MTHFD1L: variants seen among roughly 807,000 people sequenced by gnomAD.
MTHFD1L encodes the protein monofunctional C1-tetrahydrofolate synthase, mitochondrial.
In MTHFD1L, 81 loss-of-function variants were observed where a neutral mutation model predicts 119.5. The ratio of observed to expected loss-of-function variants is 0.68; its 90% confidence interval spans 0.57 to 0.82. The LOEUF (loss-of-function observed/expected upper bound fraction) is 0.82, where lower values mean the gene tolerates loss of function less well. Among genes scored for constraint, MTHFD1L ranks in the 40% least tolerant of loss-of-function variants. The pLI is 0.00. For missense variants in MTHFD1L, 1,125 were observed against 1,253.4 expected (o/e 0.90, Z 1.55); for synonymous variants, 430 against 475.2 (o/e 0.90, Z 1.24).
At chr6:150,933,799 T>G (rs772364083) in intron 11 of MTHFD1L, among the ~76,000 whole-genome samples, 9 of 152,206 alleles carry the variant, frequency 5.9e-5, no homozygotes, top group Admixed American at 3.3e-4. Context: ...TTTGTGTTTT[T>G]AGAGACAGGG....
intron 24 of MTHFD1L, among the ~76,000 whole-genome samples, chr6:151,024,601 G>A (rs1188154238): frequency 1.3e-5 from 2 of 152,100 alleles, no homozygotes; most frequent in African/African-American, 2.4e-5. Flanking sequence ...GACTGAGGCG[G>A]GCAGATCACT....
intron 13 of MTHFD1L, among the ~76,000 whole-genome samples, chr6:150,940,685 A>G (rs144825886): frequency 4.4e-4 from 67 of 151,984 alleles, no homozygotes; most frequent in Non-Finnish European, 8.5e-4. Context: ...GGTTCAAGTG[A>G]TTCTCCTGCC....
chr6:151,016,834 G>A (rs565542743), intron 24 of MTHFD1L: 6 of 195,504 alleles, frequency 3.1e-5, no homozygotes, highest in South Asian at 7.5e-5. Context: ...GTGCAATGGC[G>A]TGATCTCGGC....
At chr6:150,947,127 T>G (rs1228865861) in intron 15 of MTHFD1L, among the ~76,000 whole-genome samples, 1 of 147,418 alleles carries the variant, frequency 6.8e-6, no homozygotes, top group African/African-American at 2.5e-5. Context: ...TGTGACAGTC[T>G]TGCTCTGTTG....
chr6:151,091,619 G>A (rs954686111), intron 26 of MTHFD1L, among the ~76,000 whole-genome samples: 26 of 152,140 alleles, frequency 1.7e-4, no homozygotes, highest in Middle Eastern at 6.3e-3. Flanking sequence ...GTCCTCATCC[G>A]TAAAGTAAGG....
At chr6:150,937,020 A>G in intron 12 of MTHFD1L, 80 bp downstream of exon 12, 1 of 1,533,496 alleles carries the variant, frequency 6.5e-7, no homozygotes, top group Admixed American at 1.7e-5. Context: ...GTCAACAGAT[A>G]AAGAGTTAAG....
intron 11 of MTHFD1L, among the ~76,000 whole-genome samples, chr6:150,927,416 T>G (rs182151293): frequency 1.3e-5 from 2 of 151,886 alleles, no homozygotes; most frequent in Non-Finnish European, 2.9e-5. Flanking sequence ...TCACCATTTT[T>G]CATGACAACA....
chr6:150,973,805 GT>G (rs899468344), intron 20 of MTHFD1L, among the ~76,000 whole-genome samples: 3 of 152,226 alleles, frequency 2.0e-5, no homozygotes, highest in Non-Finnish European at 4.4e-5. Flanking sequence ...CAGATGAGGA[GT>G]TGGATGTGGA....
intron 26 of MTHFD1L, among the ~76,000 whole-genome samples, chr6:151,065,360 T>C (rs1262330468): frequency 6.6e-6 from 1 of 152,140 alleles, no homozygotes; most frequent in African/African-American, 2.4e-5. Context: ...CTCTTCCTCT[T>C]CTCCAGACAA....
At chr6:150,973,621 C>T (rs1776100787) in intron 20 of MTHFD1L, among the ~76,000 whole-genome samples, 1 of 152,200 alleles carries the variant, frequency 6.6e-6, no homozygotes, top group African/African-American at 2.4e-5. Context: ...CCAGTTCTTA[C>T]TTTGTCAAAC....
chr6:150,956,365 ATTT>A (rs1157991955), intron 17 of MTHFD1L, among the ~76,000 whole-genome samples: 1 of 152,140 alleles, frequency 6.6e-6, no homozygotes, highest in Non-Finnish European at 1.5e-5. Flanking sequence ...ATTCTCACTT[ATTT>A]TATTGGGAAC....
At chr6:150,937,033 T>G in intron 12 of MTHFD1L, 93 bp downstream of exon 12, 1 of 1,451,320 alleles carries the variant, frequency 6.9e-7, no homozygotes, top group Non-Finnish European at 9.4e-7. Context: ...GAGTTAAGAC[T>G]TTTCAGGGGA....
intron 27 of MTHFD1L, among the ~76,000 whole-genome samples, chr6:151,098,051 G>A (rs1795038388): frequency 1.3e-5 from 2 of 152,128 alleles, no homozygotes; most frequent in Non-Finnish European, 1.5e-5. Flanking sequence ...GCACGCACCT[G>A]TAATCTCAGC....
At chr6:150,868,122 T>G (rs923079727) in intron 1 of MTHFD1L, among the ~76,000 whole-genome samples, 1 of 152,066 alleles carries the variant, frequency 6.6e-6, no homozygotes, top group African/African-American at 2.4e-5. Context: ...CTTTTAGGTT[T>G]AAAGCCATGA....
chr6:150,993,089 A>G (rs971526255), intron 20 of MTHFD1L, among the ~76,000 whole-genome samples: 1 of 152,152 alleles, frequency 6.6e-6, no homozygotes, highest in Non-Finnish European at 1.5e-5. Flanking sequence ...TTCTCTCTCC[A>G]TATTGTTTAG....
intron 20 of MTHFD1L, among the ~76,000 whole-genome samples, chr6:151,006,177 G>A (rs1354034201): frequency 7.4e-6 from 1 of 135,430 alleles, no homozygotes; most frequent in Middle Eastern, 3.3e-3. Flanking sequence ...CTGCAAGGGA[G>A]CACACCACAG....
intron 20 of MTHFD1L, among the ~76,000 whole-genome samples, chr6:150,982,938 G>A (rs1220920059): frequency 6.6e-6 from 1 of 152,140 alleles, no homozygotes; most frequent in Non-Finnish European, 1.5e-5. Context: ...GACCTCAGGT[G>A]ATCCACCCAC....
At chr6:150,931,937 G>A (rs541809231) in intron 11 of MTHFD1L, among the ~76,000 whole-genome samples, 3 of 151,994 alleles carry the variant, frequency 2.0e-5, no homozygotes, top group Non-Finnish European at 4.4e-5. Context: ...CGAGGCGGGC[G>A]GATCATTTGA....
intron 20 of MTHFD1L, among the ~76,000 whole-genome samples, chr6:150,974,987 A>G (rs1776348712): frequency 6.6e-6 from 1 of 151,986 alleles, no homozygotes; most frequent in Admixed American, 6.6e-5. Context: ...ATCCACCCAT[A>G]TCAGCCTCCC....
Sources: allele counts gnomAD v4.1 joint callset (sites outside exome capture counted in the v4.1 genomes callset), GRCh38; gene constraint gnomAD v4.1.1; transcripts MANE v1.5; gene names NCBI Gene and HGNC (gene_info 2026-07-23, HGNC 2026-07-21).